The following KCNV2 variants were observed in gnomAD, a reference collection of about 807,000 sequenced individuals.
The protein encoded by KCNV2 is potassium voltage-gated channel modifier subfamily V member 2.
KCNV2 carries 65 observed loss-of-function variants against 37.0 expected under a neutral mutation model. That is an observed-to-expected ratio of 1.76 (90% confidence interval 1.44 to 2.16). KCNV2 has a LOEUF of 2.16. Ranked by LOEUF, KCNV2 falls within the 30% of genes most tolerant of loss-of-function variation. The pLI, the probability that KCNV2 is intolerant of heterozygous loss-of-function variation, is 0.00. For missense variants in KCNV2, 1,232 were observed against 766.7 expected, an observed-to-expected ratio of 1.61 and a Z score of -7.17; for synonymous variants, 518 against 328.6, an observed-to-expected ratio of 1.58 and a Z score of -6.23.
Position 2,718,878 on chromosome 9 carries a change from G to A in KCNV2, c.1139G>A (p.Arg380His), listed in dbSNP as rs765927725. The A allele has an allele frequency of 1.2e-6, 2 of 1,608,858 alleles. No homozygotes were observed. Among genetic ancestry groups the A allele is most frequent in the Middle Eastern group, 1.6e-4 (1 of 6,062 alleles). Residue 380 changes from arginine (R) to histidine (H), a missense_variant, in exon 1 of 2, where the codon CGC becomes CAC. Coordinates refer to ENST00000382082, the MANE Select transcript of KCNV2 (RefSeq NM_133497.4). ...GTGGGTCAGGTGTTGCGCGTCATGCGCCTCATGCGCATCTTCCGCATCCTC... is the reference window on the plus strand; with the variant it reads ...GTGGGTCAGGTGTTGCGCGTCATGCACCTCATGCGCATCTTCCGCATCCTC... ...GKVGQVLRVM[R>H]LMRIFRILKL...
rs769985957 is a variant in KCNV2, at chr9:2,718,439, C to A, written c.700C>A (p.Arg234Ser). ...GGTCGAGGAGGCGGAGGAACTCTTC[C>A]GCGACATGCGCTTCTACGGCCCGCA... is the stretch of plus-strand genomic sequence containing the variant. ...AQVEEAEELF[R>S]DMRFYGPQRR... The change falls in exon 1 of 2, where the codon CGC becomes AGC. Residue 234 changes from arginine to serine, a missense_variant. Physicochemically the swap from Arg to Ser is moderately radical, Grantham distance 110 (BLOSUM62 -1). Transcript: ENST00000382082. The A allele has an allele frequency of 5.0e-6, 8 of 1,606,468 alleles. No homozygotes were observed. The African/African-American group carries it at 8.0e-5, about 16-fold the overall frequency.
chr9:2,722,312 T>C (rs913863693), intron 1 of KCNV2, among the ~76,000 whole-genome samples: 3 of 134,524 alleles, frequency 2.2e-5, no homozygotes, highest in Non-Finnish European at 4.7e-5. Flanking sequence ...TTAGAAGTTA[T>C]TTATAAATAA....
At chr9:2,721,843 G>C (rs1012311433) in intron 1 of KCNV2, among the ~76,000 whole-genome samples, 1 of 151,996 alleles carries the variant, frequency 6.6e-6, no homozygotes, top group African/African-American at 2.4e-5. Context: ...ATGACATTGA[G>C]ATAAAGTTTG....
chr9:2,719,120 C>T, intron 1 of KCNV2, 25 bp downstream of exon 1: 1 of 1,602,298 alleles, frequency 6.2e-7, no homozygotes, highest in South Asian at 1.1e-5. Flanking sequence ...CCTGGGCTTT[C>T]CCATCCTCTT....
At position 2,717,946 on chromosome 9, in the gene KCNV2, C is replaced by A. The variant is rs141193056; in HGVS notation, c.207C>A (p.Asp69Glu). 1 of 1,614,004 alleles carries A rather than the reference C, an allele frequency of 6.2e-7. No individual in the cohort carries two copies. Among genetic ancestry groups the A allele is most frequent in the Non-Finnish European group, 8.5e-7 (1 of 1,179,904 alleles). ...GCGAGGAGGAGGACCAGTGGAAGGA[C>A]GACCTGGCAGAAGAGGACCAGCAGG... ...EDGEEEDQWK[D>E]DLAEEDQQAG... The change falls in exon 1 of 2, where the codon GAC becomes GAA. Residue 69 changes from aspartate (D) to glutamate (E), a missense_variant. Transcript: ENST00000382082.
At chr9:2,719,353 G>A (rs368346687) in intron 1 of KCNV2, among the ~76,000 whole-genome samples, 2 of 152,144 alleles carry the variant, frequency 1.3e-5, no homozygotes, top group East Asian at 3.9e-4. Flanking sequence ...ACCTTTAAAA[G>A]ACAGGTTTTA....
rs1358641807 is a variant in KCNV2 at position 2,717,817 on chromosome 9, C to T, written c.78C>T (p.His26=). 1.6e-5 allele frequency: 26 copies of T among 1,614,124 alleles called. No individual in the cohort carries two copies. Among genetic ancestry groups the T allele is most frequent in the Non-Finnish European group, 2.2e-5 (26 of 1,180,048 alleles). ...CGACGGAGAATGAGGGCAGCCAACA[C>T]CGCAGGAGCATTTGCTCCCTGGGTG... ...WNTTENEGSQ[H]RRSICSLGAR... The change falls in exon 1 of 2, where the codon CAC becomes CAT. Residue 26 remains histidine (H), a synonymous_variant. Transcript: ENST00000382082.
In KCNV2 at chr9:2,718,237, G is replaced by C. The variant is rs781689544; in HGVS notation, c.498G>C (p.Leu166=). 5.0e-6 allele frequency: 8 copies of C among 1,613,258 alleles called. No individual in the cohort carries two copies. Among genetic ancestry groups the C allele is most frequent in the African/African-American group, 1.3e-5 (1 of 74,928 alleles). The change falls in exon 1 of 2, where the codon CTG becomes CTC. Residue 166 remains leucine (L), a synonymous_variant. Coordinates refer to ENST00000382082, the MANE Select transcript of KCNV2 (RefSeq NM_133497.4). ...TCCAGCTGGTCTACAATTTCTACCT[G>C]TCCGGGGTGCTGCTGGTGCTCGACG... The part of the protein sequence containing the change: ...AVFQLVYNFY[L]SGVLLVLDGL...
chr9:2,720,825 A>T (rs1048486489), intron 1 of KCNV2, among the ~76,000 whole-genome samples: 3 of 152,228 alleles, frequency 2.0e-5, no homozygotes. Flanking sequence ...TGTTACTTTC[A>T]AACGGATATG....
At chr9:2,719,149 C>T in intron 1 of KCNV2, 54 bp downstream of exon 1, 1 of 1,586,272 alleles carries the variant, frequency 6.3e-7, no homozygotes, top group Non-Finnish European at 8.5e-7. Flanking sequence ...CAGTGAGCTG[C>T]TCCTCCCTCC....
intron 1 of KCNV2, 115 bp downstream of exon 1, chr9:2,719,210 AC>A: frequency 8.7e-7 from 1 of 1,154,216 alleles, no homozygotes; most frequent in Non-Finnish European, 1.2e-6. Flanking sequence ...CTTCCCCCCC[AC>A]CCCCAATCGC....
At chr9:2,724,317 T>C (rs1819934089) in intron 1 of KCNV2, among the ~76,000 whole-genome samples, 1 of 152,236 alleles carries the variant, frequency 6.6e-6, no homozygotes, top group Non-Finnish European at 1.5e-5. Context: ...AATTATTTTA[T>C]TTTTGTTCAT....
chr9:2,727,434 A>C (rs933320801), intron 1 of KCNV2, among the ~76,000 whole-genome samples: 10 of 152,190 alleles, frequency 6.6e-5, no homozygotes, highest in African/African-American at 2.4e-4. Flanking sequence ...AAATAAAAAA[A>C]AGACACACCC....
At position 2,724,039 on chromosome 9, in the gene KCNV2, G is replaced by A. The variant is rs552816024; in HGVS notation, c.1356+4944G>A. 2.0e-5 allele frequency among the ~76,000 whole-genome samples: 3 copies of A among 150,818 alleles called. No homozygotes were observed. The South Asian group carries it at 6.3e-4, about 32-fold the overall frequency. ...TTTTTTTTGCCGGGGGTTGGGGGGT[G>A]GAGGGCATGGGTATGTTTTCAAGTA... On this transcript the variant is annotated intron_variant, in intron 1 of 1. Transcript: ENST00000382082.
At chr9:2,728,693 C>A (rs750376680) in intron 1 of KCNV2, among the ~76,000 whole-genome samples, 1 of 152,082 alleles carries the variant, frequency 6.6e-6, no homozygotes, top group African/African-American at 2.4e-5. Flanking sequence ...CACATAAAGT[C>A]TCTCATTTGA....
chr9:2,717,779 A>G lies in KCNV2; in HGVS notation c.40A>G (p.Arg14Gly). ...TGAGAGGAGACGGTCCTGGAGCTAC[A>G]GGCCCTGGAACACGACGGAGAATGA... ...QSERRRSWSY[R>G]PWNTTENEGS... The change falls in exon 1 of 2, where the codon AGG becomes GGG. Residue 14 changes from arginine to glycine, a missense_variant. Arg to Gly is a moderately radical substitution (Grantham distance 125). Transcript: ENST00000382082. The G allele has an allele frequency of 1.2e-6, 2 of 1,614,206 alleles. No individual in the cohort carries two copies. Among genetic ancestry groups the G allele is most frequent in the Non-Finnish European group, 1.7e-6 (2 of 1,180,018 alleles).
At chr9:2,720,869 A>G (rs562455036) in intron 1 of KCNV2, among the ~76,000 whole-genome samples, 1 of 152,328 alleles carries the variant, frequency 6.6e-6, no homozygotes, top group South Asian at 2.1e-4. Flanking sequence ...AATAAAACAC[A>G]TAAAGAATAA....
chr9:2,718,793 C>T lies in KCNV2; in HGVS notation c.1054C>T (p.Leu352Phe), dbSNP rs1044937878. 1.2e-6 allele frequency: 2 copies of T among 1,610,726 alleles called. No homozygotes were observed. The highest frequency in any genetic ancestry group is 2.7e-5 in the African/African-American group (2 of 74,954). ...AILPLYLQLL[L>F]ECFTGEGHQR... is the part of the protein sequence containing the mutation. The stretch of plus-strand genomic sequence containing the variant: ...CCTGCCGCTCTACCTTCAGCTGCTG[C>T]TCGAGTGCTTCACGGGCGAGGGCCA... Residue 352 changes from leucine (L) to phenylalanine (F), a missense_variant, in exon 1 of 2, where the codon CTC (leucine) becomes TTC (phenylalanine). Leu to Phe is a conservative substitution (Grantham distance 22). Transcript: ENST00000382082.
rs751886072 is a variant in KCNV2 at position 2,729,775 on chromosome 9, C to T, written c.*48C>T. The T allele has an allele frequency of 5.7e-6, 9 of 1,575,676 alleles. No individual in the cohort carries two copies. In the African/African-American group the frequency reaches 9.5e-5, roughly 17 times the overall value. Reference sequence around the variant, plus strand: ...GTAGATTCCATGAACTTCAAGGCTTCATTGCTCTTTTTTTAATCATTATGA... The same window carrying T: ...GTAGATTCCATGAACTTCAAGGCTTTATTGCTCTTTTTTTAATCATTATGA... On this transcript the variant is annotated 3_prime_UTR_variant, in exon 2 of 2. Transcript: ENST00000382082.
Sources: gnomAD v4.1 joint callset for allele counts (sites outside exome capture counted in the v4.1 genomes callset) on GRCh38, gnomAD v4.1.1 for gene constraint, MANE v1.5 for transcripts, NCBI Gene and HGNC (gene_info 2026-07-23, HGNC 2026-07-21) for gene names.